The following ESRRG variants were observed in gnomAD, a reference collection of about 807,000 sequenced individuals.
The protein encoded by ESRRG is estrogen-related receptor gamma.
In ESRRG, 13 loss-of-function variants were observed where a neutral mutation model predicts 44.0. The observed-to-expected ratio is 0.30, with a 90% CI of 0.19 to 0.47. ESRRG has a LOEUF of 0.47. ESRRG is among the 20% of genes least tolerant of loss of function. ESRRG has a pLI of 1.00. For missense variants in ESRRG, 395 were observed against 580.6 expected, an observed-to-expected ratio of 0.68 and a Z score of 3.29; for synonymous variants, 215 against 214.6, an observed-to-expected ratio of 1.00 and a Z score of -0.02.
intron 1 of ESRRG, among the ~76,000 whole-genome samples, chr1:217,135,913 A>G (rs2093042975): frequency 6.6e-6 from 1 of 151,968 alleles, no homozygotes; most frequent in African/African-American, 2.4e-5. Flanking sequence ...TTTGCTCAAG[A>G]TCCCCCCTTT....
At chr1:217,123,101 C>T (rs1029918175) in intron 1 of ESRRG, among the ~76,000 whole-genome samples, 18 of 152,226 alleles carry the variant, frequency 1.2e-4, no homozygotes, top group Admixed American at 2.0e-4. Context: ...AAATGTTATC[C>T]GCCTAGCAGT....
intron 2 of ESRRG, among the ~76,000 whole-genome samples, chr1:216,896,838 A>T (rs1427651355): frequency 6.6e-6 from 1 of 152,178 alleles, no homozygotes; most frequent in Admixed American, 6.5e-5. Flanking sequence ...CTCACTTTAC[A>T]GGCATATTTA....
chr1:217,102,816 G>T lies in ESRRG; in HGVS notation c.-230+34851C>A, dbSNP rs116081144. ...ACATCATTTCTACACATTGTAAAAT[G>T]TGTCCTGTAGAGGTACACAGAAAAA... On this transcript the variant is annotated intron_variant, in intron 1 of 8. Coordinates refer to the ESRRG transcript ENST00000366940. 1.7e-3 allele frequency among the ~76,000 whole-genome samples: 257 copies of T among 152,248 alleles called. 2 individuals carry two copies. Among genetic ancestry groups the T allele is most frequent in the Non-Finnish European group, 3.1e-3 (209 of 68,026 alleles).
intron 2 of ESRRG, among the ~76,000 whole-genome samples, chr1:216,867,840 TA>T (rs2096193201): frequency 1.3e-5 from 2 of 152,092 alleles, no homozygotes; most frequent in African/African-American, 4.8e-5. Flanking sequence ...TAGGTTAATG[TA>T]AATATCACAA....
In ESRRG at chr1:216,631,085, G is replaced by GA. The variant is rs11287585; in HGVS notation, c.589+19887dup. ...TCCATCAGGTTAAACAGAGGGAAAA[G>GA]AAAAAAAAAAAAAATCCTGATACTT... On this transcript the variant is annotated intron_variant, in intron 3 of 6. Coordinates refer to ENST00000408911, the MANE Select transcript of ESRRG (RefSeq NM_001438.4). Among the ~76,000 whole-genome samples the GA allele has an allele frequency of 5.6e-3, 757 of 134,614 alleles. 5 individuals carry two copies. Among genetic ancestry groups the GA allele is most frequent in the African/African-American group, 0.014 (507 of 36,916 alleles). The allele number at this position is 134,614 out of a possible 152,430, so 88.3% of individuals were successfully genotyped here. A position where few individuals can be genotyped will look rare whatever the true frequency, so the allele number is the denominator to read the frequency against.
chr1:216,530,243 A>T (rs1236147737), intron 5 of ESRRG, among the ~76,000 whole-genome samples: 1 of 151,288 alleles, frequency 6.6e-6, no homozygotes, highest in Non-Finnish European at 1.5e-5. Context: ...CATTCCACAC[A>T]CTGAATAAAT....
At chr1:216,938,662 T>C (rs2064593281) in intron 2 of ESRRG, among the ~76,000 whole-genome samples, 1 of 152,170 alleles carries the variant, frequency 6.6e-6, no homozygotes, top group Non-Finnish European at 1.5e-5. Flanking sequence ...CACTAGCAAG[T>C]ACCATTGAAA....
chr1:216,557,612 T>C (rs1268070661), intron 5 of ESRRG, among the ~76,000 whole-genome samples: 1 of 152,198 alleles, frequency 6.6e-6, no homozygotes, highest in African/African-American at 2.4e-5. Context: ...TAAGGGTCTT[T>C]TGTAAACAAT....
At chr1:216,813,588 C>A (rs568261518) in intron 2 of ESRRG, among the ~76,000 whole-genome samples, 391 of 152,208 alleles carry the variant, frequency 2.6e-3, no homozygotes, top group Non-Finnish European at 4.6e-3. Flanking sequence ...AGATTCAATT[C>A]TTCGCTTGAC....
At chr1:217,051,533 A>T (rs1434238651) in intron 1 of ESRRG, among the ~76,000 whole-genome samples, 1 of 152,214 alleles carries the variant, frequency 6.6e-6, no homozygotes, top group Non-Finnish European at 1.5e-5. Context: ...AAGGGCAATG[A>T]TGATGAGTCA....
intron 1 of ESRRG, among the ~76,000 whole-genome samples, chr1:217,007,770 A>G (rs947990570): frequency 6.6e-6 from 1 of 151,926 alleles, no homozygotes; most frequent in Admixed American, 6.6e-5. Context: ...ATGCTTATTC[A>G]CTATATATGG....
chr1:216,603,215 T>C (rs2059473707), intron 3 of ESRRG, among the ~76,000 whole-genome samples: 1 of 152,216 alleles, frequency 6.6e-6, no homozygotes, highest in African/African-American at 2.4e-5. Context: ...TCATTTTCAT[T>C]AGCATTCCCT....
chr1:216,734,904 CTTTTTTTT>C (rs11309409), intron 2 of ESRRG, among the ~76,000 whole-genome samples: 2 of 100,354 alleles, frequency 2.0e-5, no homozygotes, highest in East Asian at 6.1e-4. Flanking sequence ...GTTCCATATT[CTTTTTTTT>C]TTTTTTTTTT....
intron 1 of ESRRG, among the ~76,000 whole-genome samples, chr1:217,097,193 C>T (rs2151560515): frequency 6.6e-6 from 1 of 152,218 alleles, no homozygotes; most frequent in Admixed American, 6.5e-5. Flanking sequence ...TTTACACTTT[C>T]ACAGACCCAT....
intron 2 of ESRRG, among the ~76,000 whole-genome samples, chr1:216,798,355 T>G (rs901652260): frequency 6.6e-6 from 1 of 151,302 alleles, no homozygotes; most frequent in Non-Finnish European, 1.5e-5. Flanking sequence ...GGTAAGTATA[T>G]GAACAAATTC....
intron 5 of ESRRG, among the ~76,000 whole-genome samples, chr1:216,529,723 A>T (rs1341543621): frequency 2.6e-5 from 4 of 152,178 alleles, no homozygotes; most frequent in African/African-American, 9.7e-5. Flanking sequence ...ATGAATTTTC[A>T]TTTTCCCACA....
chr1:216,971,743 A>G (rs1348377188), intron 1 of ESRRG, among the ~76,000 whole-genome samples: 2 of 152,184 alleles, frequency 1.3e-5, no homozygotes, highest in Non-Finnish European at 2.9e-5. Context: ...AACTAAATTG[A>G]TTTCTCCCCA....
chr1:216,982,932 A>G (rs2074211553), intron 1 of ESRRG, among the ~76,000 whole-genome samples: 1 of 152,124 alleles, frequency 6.6e-6, no homozygotes, highest in Non-Finnish European at 1.5e-5. Flanking sequence ...GAGTCATCAG[A>G]TAATTATATC....
intron 2 of ESRRG, among the ~76,000 whole-genome samples, chr1:216,879,298 C>CA (rs1159838095): frequency 1.3e-5 from 2 of 151,952 alleles, no homozygotes; most frequent in Admixed American, 1.3e-4. Context: ...AACAAACAAA[C>CA]AAAACAGTGC....
Sources: gnomAD v4.1 joint callset for allele counts (sites outside exome capture counted in the v4.1 genomes callset) on GRCh38, gnomAD v4.1.1 for gene constraint, MANE v1.5 for transcripts, NCBI Gene and HGNC (gene_info 2026-07-23, HGNC 2026-07-21) for gene names.